BBS9: variants seen among roughly 807,000 people sequenced by gnomAD.
The protein encoded by BBS9 is protein PTHB1.
Under a neutral mutation model 117.7 loss-of-function variants are expected in BBS9, and 89 were observed. The ratio of observed to expected loss-of-function variants is 0.76; its 90% CI spans 0.64 to 0.90. BBS9 has a LOEUF of 0.90. Ranked by LOEUF, BBS9 falls within the 40% of genes least tolerant of loss-of-function variation. BBS9 has a pLI of 0.00. For missense variants in BBS9, 982 were observed against 1,042.2 expected (o/e 0.94, Z 0.80); for synonymous variants, 379 against 370.9 (o/e 1.02, Z -0.25).
At position 33,565,980 on chromosome 7, in the gene BBS9, T is replaced by G. The variant is rs79581988; in HGVS notation, c.2521+31804T>G. On this transcript the variant is annotated intron_variant, in intron 21 of 22. Coordinates refer to ENST00000242067, the MANE Select transcript of BBS9 (RefSeq NM_198428.3). ...CCCAGTATCTTATTTGAATCACTTA[T>G]TTACTATTGGGGAAAAAAAATGTAA... Among the ~76,000 whole-genome samples, 276 of 150,002 alleles carry G rather than the reference T, an allele frequency of 1.8e-3. 3 individuals are homozygous for G. The highest frequency in any genetic ancestry group is 6.7e-3 in the African/African-American group (272 of 40,902).
intron 19 of BBS9, among the ~76,000 whole-genome samples, chr7:33,427,720 G>C (rs1308887724): frequency 6.6e-6 from 1 of 152,016 alleles, no homozygotes; most frequent in African/African-American, 2.4e-5. Flanking sequence ...TCAGGATTTT[G>C]GTATTTTATT....
intron 5 of BBS9, among the ~76,000 whole-genome samples, chr7:33,245,244 A>AT (rs34858408): frequency 0.86 from 131,274 of 151,940 alleles, 57,078 homozygotes; most frequent in African/African-American, 0.97. Context: ...TATTTCCTAT[A>AT]TTTTTTATAT....
chr7:33,249,296 A>C (rs1168495862), intron 5 of BBS9, among the ~76,000 whole-genome samples: 1 of 152,070 alleles, frequency 6.6e-6, no homozygotes, highest in South Asian at 2.1e-4. Flanking sequence ...ATTTTCATGA[A>C]TAGATTATAA....
At chr7:33,549,825 G>A (rs866612879) in intron 21 of BBS9, among the ~76,000 whole-genome samples, 2 of 152,130 alleles carry the variant, frequency 1.3e-5, no homozygotes, top group South Asian at 2.1e-4. Flanking sequence ...CTTAAAAATT[G>A]CATCGATTTG....
rs186185610 is a variant in BBS9 at position 33,386,028 on chromosome 7, G to A, written c.1963-1964G>A. Among the ~76,000 whole-genome samples the A allele has an allele frequency of 7.9e-5, 12 of 152,084 alleles. 1 individual carries two copies. Among genetic ancestry groups the A allele is most frequent in the East Asian group, 3.9e-4 (2 of 5,170 alleles). ...GATAGCATTAGGAGATATACCTAAC[G>A]TAAATGACAAGTTAATGGGTGCAGC... On this transcript the variant is annotated intron_variant, in intron 18 of 22. Coordinates refer to ENST00000242067, the MANE Select transcript of BBS9 (RefSeq NM_198428.3).
intron 9 of BBS9, 91 bp from the exon 10 acceptor site, chr7:33,336,350 T>C: frequency 1.1e-6 from 1 of 883,560 alleles, no homozygotes. Context: ...CTTAATGGTG[T>C]GTTGATGCTG....
intron 17 of BBS9, among the ~76,000 whole-genome samples, chr7:33,379,431 T>C (rs1323176177): frequency 1.3e-5 from 2 of 152,200 alleles, no homozygotes; most frequent in Non-Finnish European, 2.9e-5. Context: ...TAAAGAATTT[T>C]ATTCTTTGTA....
At chr7:33,160,144 A>G (rs1013174041) in intron 4 of BBS9, among the ~76,000 whole-genome samples, 11 of 152,178 alleles carry the variant, frequency 7.2e-5, no homozygotes, top group African/African-American at 2.7e-4. Flanking sequence ...CTGTTGTGTG[A>G]CCATAGCCTT....
At chr7:33,580,152 T>C (rs1178567984) in intron 21 of BBS9, among the ~76,000 whole-genome samples, 1 of 151,988 alleles carries the variant, frequency 6.6e-6, no homozygotes, top group Non-Finnish European at 1.5e-5. Flanking sequence ...AGGCCTCTGC[T>C]GGTTAGGTGA....
intron 21 of BBS9, among the ~76,000 whole-genome samples, chr7:33,569,899 A>G (rs775133706): frequency 6.6e-6 from 1 of 152,242 alleles, no homozygotes; most frequent in Non-Finnish European, 1.5e-5. Flanking sequence ...GAGCAAAGAC[A>G]TACTAGTAGT....
At chr7:33,620,294 C>G (rs1255056378) in intron 21 of BBS9, among the ~76,000 whole-genome samples, 1 of 151,884 alleles carries the variant, frequency 6.6e-6, no homozygotes, top group Non-Finnish European at 1.5e-5. Flanking sequence ...AATATAAAAT[C>G]TGAATAGATT....
intron 21 of BBS9, among the ~76,000 whole-genome samples, chr7:33,537,774 G>C (rs1315083091): frequency 6.6e-6 from 1 of 152,002 alleles, no homozygotes; most frequent in Non-Finnish European, 1.5e-5. Context: ...TCAGTATCTA[G>C]GGCAATATTT....
intron 5 of BBS9, 128 bp from the exon 6 acceptor site, chr7:33,257,108 A>C: frequency 1.7e-6 from 1 of 577,324 alleles, no homozygotes; most frequent in Non-Finnish European, 2.8e-6. Flanking sequence ...TTTCACACCG[A>C]ATGCTGCTTA....
rs138652809 is a variant in BBS9 at position 33,219,462 on chromosome 7, C to T, written c.443-37774C>T. Among the ~76,000 whole-genome samples the T allele has an allele frequency of 5.3e-3, 806 of 152,294 alleles. 9 individuals are homozygous for T. Among genetic ancestry groups the T allele is most frequent in the African/African-American group, 0.019 (771 of 41,562 alleles). On this transcript the variant is annotated intron_variant, in intron 5 of 22. Coordinates refer to ENST00000242067, the MANE Select transcript of BBS9 (RefSeq NM_198428.3). The stretch of plus-strand genomic sequence containing the variant: ...CTAAGTCTGGTGGGGATGTGGAGAA[C>T]CTTTATGTCTAGCTCGGGGATTGTA...
chr7:33,569,944 A>G (rs756333441), intron 21 of BBS9, among the ~76,000 whole-genome samples: 92 of 152,140 alleles, frequency 6.0e-4, no homozygotes, highest in Non-Finnish European at 1.1e-3. Flanking sequence ...TTTGGTTTCT[A>G]ATTACCATCT....
At chr7:33,232,428 T>C (rs1246099718) in intron 5 of BBS9, among the ~76,000 whole-genome samples, 3 of 152,134 alleles carry the variant, frequency 2.0e-5, no homozygotes, top group East Asian at 1.9e-4. Context: ...AAATGTAGTG[T>C]GGTTTTGGTG....
chr7:33,256,207 C>CT (rs1266596949), intron 5 of BBS9, among the ~76,000 whole-genome samples: 2 of 152,016 alleles, frequency 1.3e-5, no homozygotes, highest in African/African-American at 4.8e-5. Flanking sequence ...AAAAACAAAG[C>CT]TTAAAACAGT....
intron 9 of BBS9, chr7:33,276,977 TG>T: frequency 4.1e-6 from 1 of 241,946 alleles, no homozygotes; most frequent in South Asian, 7.2e-5. Context: ...AAGGGGTCTG[TG>T]GTGGTGGAGA....
chr7:33,180,729 C>T (rs906010663), intron 5 of BBS9, among the ~76,000 whole-genome samples: 3 of 152,072 alleles, frequency 2.0e-5, no homozygotes, highest in Non-Finnish European at 2.9e-5. Flanking sequence ...TCTGGTGGCC[C>T]GTATGGGAGC....
Sources: gnomAD v4.1 joint callset for allele counts (sites outside exome capture counted in the v4.1 genomes callset) on GRCh38, gnomAD v4.1.1 for gene constraint, MANE v1.5 for transcripts, NCBI Gene and HGNC (gene_info 2026-07-23, HGNC 2026-07-21) for gene names.